Variants in DPP10 observed in about 807,000 individuals in gnomAD.
DPP10 encodes dipeptidyl peptidase like 10.
A neutral mutation model predicts 120.9 loss-of-function variants in DPP10; 33 were observed. The ratio of observed to expected loss-of-function variants is 0.27; its 90% CI spans 0.21 to 0.37. DPP10 has a LOEUF of 0.37. DPP10 is among the 10% of genes least tolerant of loss of function. The pLI is 1.00. For missense variants in DPP10, 816 were observed against 942.8 expected (o/e 0.87, Z 1.76); for synonymous variants, 337 against 326.1 (o/e 1.03, Z -0.36).
At chr2:115,499,192 G>T (rs1426310456) in intron 3 of DPP10, among the ~76,000 whole-genome samples, 1 of 152,038 alleles carries the variant, frequency 6.6e-6, no homozygotes, top group Non-Finnish European at 1.5e-5. Flanking sequence ...GAGACTGGAG[G>T]CACTTCTCTT....
intron 1 of DPP10, among the ~76,000 whole-genome samples, chr2:114,597,483 T>C (rs780225741): frequency 6.6e-6 from 1 of 152,070 alleles, no homozygotes; most frequent in Admixed American, 6.6e-5. Context: ...TGTGTTTTAC[T>C]GGCAATGACA....
At chr2:115,485,216 C>G (rs1469290917) in intron 3 of DPP10, among the ~76,000 whole-genome samples, 2 of 141,222 alleles carry the variant, frequency 1.4e-5, no homozygotes, top group African/African-American at 5.2e-5. Context: ...CTGAATTTTT[C>G]TCATAAACTT....
chr2:115,032,914 G>T (rs891822341), intron 1 of DPP10, among the ~76,000 whole-genome samples: 3 of 151,006 alleles, frequency 2.0e-5, no homozygotes, highest in African/African-American at 7.3e-5. Flanking sequence ...AGAAGAAGAA[G>T]AAGAATATAG....
chr2:115,423,910 G>GA (rs573778360), intron 3 of DPP10, among the ~76,000 whole-genome samples: 121 of 152,136 alleles, frequency 8.0e-4, no homozygotes, highest in African/African-American at 2.6e-3. Flanking sequence ...TTTATAAGGA[G>GA]AAAATCTATA....
intron 1 of DPP10, among the ~76,000 whole-genome samples, chr2:114,509,865 A>T (rs1193499753): frequency 6.6e-6 from 1 of 152,258 alleles, no homozygotes; most frequent in Non-Finnish European, 1.5e-5. Context: ...AGAGAAATAG[A>T]GACATTTCCC....
At chr2:114,534,882 C>A (rs961823837) in intron 1 of DPP10, among the ~76,000 whole-genome samples, 2 of 152,176 alleles carry the variant, frequency 1.3e-5, no homozygotes, top group African/African-American at 4.8e-5. Flanking sequence ...TGGTTCCAAA[C>A]ATGACTGGGA....
At chr2:114,917,582 A>C (rs1328189283) in intron 1 of DPP10, among the ~76,000 whole-genome samples, 1 of 152,172 alleles carries the variant, frequency 6.6e-6, no homozygotes, top group East Asian at 1.9e-4. Context: ...AGTAAGCAAA[A>C]CAGCATGGTA....
chr2:114,874,379 G>T (rs1019105074), intron 1 of DPP10, among the ~76,000 whole-genome samples: 2 of 152,096 alleles, frequency 1.3e-5, no homozygotes, highest in African/African-American at 2.4e-5. Flanking sequence ...TGTGACAAAA[G>T]CATCCAAAAG....
intron 1 of DPP10, among the ~76,000 whole-genome samples, chr2:114,451,803 A>C (rs150064830): frequency 6.6e-6 from 1 of 152,246 alleles, no homozygotes; most frequent in African/African-American, 2.4e-5. Flanking sequence ...TGACCCTGGG[A>C]ATCATTCCTG....
intron 21 of DPP10, among the ~76,000 whole-genome samples, chr2:115,826,376 T>G (rs983569889): frequency 6.6e-6 from 1 of 152,222 alleles, no homozygotes; most frequent in Non-Finnish European, 1.5e-5. Context: ...TATAGATACA[T>G]ACATGCTTAG....
At chr2:115,468,811 G>T in intron 3 of DPP10, 1 of 454,138 alleles carries the variant, frequency 2.2e-6, no homozygotes, top group East Asian at 5.8e-5. Flanking sequence ...GTGTGCAGGT[G>T]CCCTCTGTGC....
At chr2:114,570,703 G>A (rs1352496601) in intron 1 of DPP10, among the ~76,000 whole-genome samples, 1 of 151,414 alleles carries the variant, frequency 6.6e-6, no homozygotes, top group African/African-American at 2.4e-5. Flanking sequence ...CGTGGTGGCG[G>A]GCGCCTGTAG....
chr2:114,801,292 G>A (rs1455515238), intron 1 of DPP10, among the ~76,000 whole-genome samples: 15 of 102,210 alleles, frequency 1.5e-4, no homozygotes, highest in East Asian at 3.7e-4. Flanking sequence ...AAAAAAGAAA[G>A]AAAGAAAGGT....
chr2:115,697,930 C>T (rs370002451), intron 7 of DPP10, among the ~76,000 whole-genome samples: 3 of 152,028 alleles, frequency 2.0e-5, no homozygotes, highest in Admixed American at 2.0e-4. Flanking sequence ...TGCAGTGAGC[C>T]GAGATGTGCC....
At chr2:115,336,672 T>C (rs1185818984) in intron 2 of DPP10, among the ~76,000 whole-genome samples, 2 of 151,922 alleles carry the variant, frequency 1.3e-5, no homozygotes, top group Middle Eastern at 3.4e-3. Context: ...AGTAACTTGC[T>C]AGTAAGGAGA....
At position 115,103,667 on chromosome 2, in the gene DPP10, G is replaced by C. The variant is rs187439004; in HGVS notation, c.61-205572G>C. ...GAGAAAGCCTAAAACTAGGTTGTAT[G>C]GTTACTCTTAACTGCAAAAGAGAAT... On this transcript the variant is annotated intron_variant, in intron 1 of 25. Coordinates refer to ENST00000410059, the MANE Select transcript of DPP10 (RefSeq NM_020868.6). Among the ~76,000 whole-genome samples the C allele has an allele frequency of 3.3e-5, 5 of 152,284 alleles. No homozygotes were observed. In the East Asian group the frequency reaches 9.6e-4, roughly 29 times the overall value.
chr2:114,922,399 G>A (rs1335117599), intron 1 of DPP10, among the ~76,000 whole-genome samples: 7 of 152,088 alleles, frequency 4.6e-5, no homozygotes, highest in Non-Finnish European at 7.4e-5. Context: ...TGCAACCTCC[G>A]CTTTCTGGGT....
intron 1 of DPP10, among the ~76,000 whole-genome samples, chr2:114,624,363 T>G (rs1694326187): frequency 1.3e-5 from 2 of 151,954 alleles, no homozygotes; most frequent in South Asian, 4.1e-4. Context: ...CTCTAGGGCA[T>G]AGGGGATAAT....
intron 5 of DPP10, among the ~76,000 whole-genome samples, chr2:115,642,209 C>A (rs920126496): frequency 7.2e-5 from 11 of 151,956 alleles, no homozygotes; most frequent in Admixed American, 1.3e-4. Context: ...ACTTAAAACA[C>A]CGAGATGGTT....
Sources: allele counts gnomAD v4.1 joint callset (sites outside exome capture counted in the v4.1 genomes callset), GRCh38; gene constraint gnomAD v4.1.1; transcripts MANE v1.5; gene names NCBI Gene and HGNC (gene_info 2026-07-23, HGNC 2026-07-21).